BACE1: variants seen among roughly 807,000 people sequenced by gnomAD.
The protein encoded by BACE1 is beta-secretase 1, also known as APP beta-secretase.
In BACE1, 21 loss-of-function variants were observed where a neutral mutation model predicts 54.0. The ratio of observed to expected loss-of-function variants is 0.39; its 90% confidence interval spans 0.28 to 0.56. The LOEUF (loss-of-function observed/expected upper bound fraction) is 0.56, where lower values mean the gene tolerates loss of function less well. Among genes scored for constraint, BACE1 ranks in the 20% least tolerant of loss-of-function variants. The pLI, the probability that BACE1 is intolerant of heterozygous loss-of-function variation, is 0.63. For missense variants in BACE1, 511 were observed against 661.2 expected, an observed-to-expected ratio of 0.77 and a Z score of 2.49; for synonymous variants, 232 against 260.9, an observed-to-expected ratio of 0.89 and a Z score of 1.07.
chr11:117,299,412 A>C (rs1297510215), intron 1 of BACE1, among the ~76,000 whole-genome samples: 2 of 151,144 alleles, frequency 1.3e-5, no homozygotes, highest in African/African-American at 2.4e-5. Flanking sequence ...GCTTCTCTGG[A>C]CTTCAGTTTC....
chr11:117,296,213 C>T (rs1015693690), intron 2 of BACE1, among the ~76,000 whole-genome samples: 4 of 152,150 alleles, frequency 2.6e-5, no homozygotes, highest in African/African-American at 9.7e-5. Context: ...CCCCTCACTG[C>T]CTCTTATCTT....
chr11:117,312,942 C>T (rs1342249636), intron 1 of BACE1, among the ~76,000 whole-genome samples: 1 of 152,216 alleles, frequency 6.6e-6, no homozygotes, highest in East Asian at 1.9e-4. Context: ...TCCGCCCTTT[C>T]ACTTCCACTG....
intron 1 of BACE1, among the ~76,000 whole-genome samples, chr11:117,311,158 C>A (rs2034936089): frequency 6.6e-6 from 1 of 151,932 alleles, no homozygotes; most frequent in African/African-American, 2.4e-5. Context: ...AAGTTGGAGA[C>A]CAGCCTGGGC....
In BACE1 at chr11:117,294,014, G is replaced by C; in HGVS notation, c.568-6C>G. ...GGCTCCAGGGAGTCGTCAGGCTTTG[G>C]CAGAAAGAGACAAGGAGTGAGTCCT... On this transcript the variant is annotated splice_polypyrimidine_tract_variant and splice_region_variant and intron_variant, in intron 3 of 8. Coordinates refer to ENST00000313005, the MANE Select transcript of BACE1 (RefSeq NM_012104.6). The C allele has an allele frequency of 6.2e-7, 1 of 1,612,830 alleles. No individual in the cohort carries two copies. Among genetic ancestry groups the C allele is most frequent in the Non-Finnish European group, 8.5e-7 (1 of 1,179,384 alleles).
intron 1 of BACE1, among the ~76,000 whole-genome samples, chr11:117,299,283 C>G (rs2034669380): frequency 6.6e-6 from 1 of 152,212 alleles, no homozygotes; most frequent in South Asian, 2.1e-4. Context: ...TCCATCACCT[C>G]AGGTTCTCCT....
At chr11:117,297,590 A>G (rs2034632032) in intron 1 of BACE1, among the ~76,000 whole-genome samples, 1 of 152,114 alleles carries the variant, frequency 6.6e-6, no homozygotes, top group Admixed American at 6.5e-5. Context: ...ACTGCACTCC[A>G]GCCTGGGCGA....
chr11:117,315,693 C>G lies in BACE1; in HGVS notation c.103G>C (p.Gly35Arg). 6.6e-7 allele frequency: 1 copy of G among 1,514,408 alleles called. No homozygotes were observed. The highest frequency in any genetic ancestry group is 1.2e-5 in the South Asian group (1 of 80,542). 93.8% of individuals were successfully genotyped at this position (1,514,408 alleles called of 1,614,324 possible). Residue 35 changes from glycine (G) to arginine (R), a missense_variant, in exon 1 of 9, where the codon GGG becomes CGG. Coordinates refer to ENST00000313005, the MANE Select transcript of BACE1 (RefSeq NM_012104.6). This position sits in a 1 kb window ranked among gnomAD's most constrained non-coding sequence, Gnocchi z 5.5. ...GIRLPLRSGL[G>R]GAPLGLRLPR... ...AGCCGCAGCCCCAGGGGGGCGCCCC[C>G]CAGGCCGCTGCGCAGGGGCAGCCGG...
At chr11:117,298,628 G>A (rs2034655194) in intron 1 of BACE1, among the ~76,000 whole-genome samples, 1 of 152,226 alleles carries the variant, frequency 6.6e-6, no homozygotes. Context: ...CCACCAGAAT[G>A]TGGCTCCCCT....
chr11:117,294,798 T>C (rs1381991217), intron 3 of BACE1, among the ~76,000 whole-genome samples: 2 of 151,028 alleles, frequency 1.3e-5, no homozygotes, highest in African/African-American at 4.9e-5. Context: ...GGCAGGAAAA[T>C]CGCTTGAACC....
intron 1 of BACE1, among the ~76,000 whole-genome samples, chr11:117,301,661 T>C (rs2034729588): frequency 6.6e-6 from 1 of 152,042 alleles, no homozygotes; most frequent in Non-Finnish European, 1.5e-5. Context: ...AACGCAGTCC[T>C]TTCCATCTGG....
chr11:117,287,931 C>G lies in BACE1; in HGVS notation c.*1635G>C, dbSNP rs2034305311. The G allele has an allele frequency of 6.6e-6, 1 of 152,650 alleles. No homozygotes were observed. Among genetic ancestry groups the G allele is most frequent in the Admixed American group, 6.5e-5 (1 of 15,286 alleles). The allele number at this position is 152,650 out of a possible 1,614,324, so 9.5% of individuals were successfully genotyped here. A position where few individuals can be genotyped will look rare whatever the true frequency, so the allele number is the denominator to read the frequency against. On this transcript the variant is annotated 3_prime_UTR_variant, in exon 9 of 9. Coordinates refer to ENST00000313005, the MANE Select transcript of BACE1 (RefSeq NM_012104.6). Reference sequence around the variant, plus strand: ...CAGGTAATTCCACACTTAGCAGGTCCCATACCTGGAAGCAGCGGGTTGACC... The same window carrying G: ...CAGGTAATTCCACACTTAGCAGGTCGCATACCTGGAAGCAGCGGGTTGACC...
At chr11:117,306,536 A>C (rs1322887243) in intron 1 of BACE1, among the ~76,000 whole-genome samples, 1 of 152,082 alleles carries the variant, frequency 6.6e-6, no homozygotes, top group African/African-American at 2.4e-5. Context: ...GGCCAGGCAC[A>C]GTGACTCACG....
rs566227451 is a variant in BACE1 at position 117,303,633 on chromosome 11, T to C, written c.262-6672A>G. On this transcript the variant is annotated intron_variant, in intron 1 of 8. Transcript: ENST00000313005. ...TAGTGGCCTGGAGAGATGGAGACTC[T>C]TTCCAATTCTGAACCATCTCTCATT... 5.3e-5 allele frequency among the ~76,000 whole-genome samples: 8 copies of C among 152,364 alleles called. No homozygotes were observed. The South Asian group carries it at 1.7e-3, about 32-fold the overall frequency.
chr11:117,289,609 TGGC>T lies in BACE1; in HGVS notation c.1460_1462del (p.Arg487del). The T allele has an allele frequency of 6.2e-7, 1 of 1,614,194 alleles. No individual in the cohort carries two copies. The highest frequency in any genetic ancestry group is 1.1e-5 in the South Asian group (1 of 91,080). ...GTCATCAGCAAAGTCATCATGCTGC[TGGC>T]GCAGGCAGCGGAGGCAGCGCCACTG... On this transcript the variant is annotated inframe_deletion, in exon 9 of 9. Coordinates refer to ENST00000313005, the MANE Select transcript of BACE1 (RefSeq NM_012104.6).
At chr11:117,302,226 G>T (rs1028073277) in intron 1 of BACE1, among the ~76,000 whole-genome samples, 6 of 152,054 alleles carry the variant, frequency 3.9e-5, no homozygotes, top group Non-Finnish European at 8.8e-5. Flanking sequence ...CCAGCGACTC[G>T]GAAGGCTGAG....
rs961633135 is a variant in BACE1, at chr11:117,285,732, G to A, written c.*3834C>T. On this transcript the variant is annotated 3_prime_UTR_variant, in exon 9 of 9. Coordinates refer to ENST00000313005, the MANE Select transcript of BACE1 (RefSeq NM_012104.6). ...TTATTGAATATTTTACTGTGTTAAC[G>A]CTCATTATTTATACAGACATTAGGT... 3.9e-5 allele frequency: 6 copies of A among 152,302 alleles called. No homozygotes were observed. Among genetic ancestry groups the A allele is most frequent in the African/African-American group, 9.7e-5 (4 of 41,414 alleles). 9.4% of individuals were successfully genotyped at this position (152,302 alleles called of 1,614,324 possible).
At chr11:117,291,236 G>A (rs2034421823) in intron 6 of BACE1, among the ~76,000 whole-genome samples, 187 bp from the exon 7 acceptor site, 1 of 152,106 alleles carries the variant, frequency 6.6e-6, no homozygotes, top group Admixed American at 6.5e-5. Flanking sequence ...TTTGTACCGG[G>A]GGATTGTGTG....
Position 117,295,312 on chromosome 11 carries a change from T to TA in BACE1, c.385dup (p.Tyr129LeufsTer37). On this transcript the variant is annotated frameshift_variant, in exon 3 of 9. Coordinates refer to ENST00000313005, the MANE Select transcript of BACE1 (RefSeq NM_012104.6). LOFTEE classifies it high-confidence loss of function. ...CCACTTGCCCTGGGTGTAGGGCACA[T>TA]ACACACCCTTCCGGAGGTCCCGGTA... is the stretch of plus-strand genomic sequence containing the variant. The TA allele has an allele frequency of 6.2e-7, 1 of 1,614,092 alleles. No homozygotes were observed.
At position 117,293,790 on chromosome 11, in the gene BACE1, G is replaced by A. The variant is rs1320179991; in HGVS notation, c.705+81C>T. ...TCTAAGTATCGGAGCCAAAACTGTG[G>A]TGTAGCTTTCAGGAAGGGGAGAGGA... is the stretch of plus-strand genomic sequence containing the variant. On this transcript the variant is annotated intron_variant, in intron 4 of 8. Transcript: ENST00000313005. This position sits in a 1 kb window ranked among gnomAD's most constrained non-coding sequence, Gnocchi z 4.1. 7 of 1,455,868 alleles carry A rather than the reference G, an allele frequency of 4.8e-6. No individual in the cohort carries two copies. Among genetic ancestry groups the A allele is most frequent in the Admixed American group, 2.2e-5 (1 of 44,494 alleles). The allele number at this position is 1,455,868 out of a possible 1,614,324, so 90.2% of individuals were successfully genotyped here.
Sources: allele counts gnomAD v4.1 joint callset (sites outside exome capture counted in the v4.1 genomes callset), GRCh38; gene constraint gnomAD v4.1.1; non-coding constraint Gnocchi (gnomAD v3.1); transcripts MANE v1.5; gene names NCBI Gene and HGNC (gene_info 2026-07-23, HGNC 2026-07-21).